The following NLRP3 variants were observed in gnomAD, a reference collection of about 807,000 sequenced individuals.
NLRP3 encodes NLR family pyrin domain containing 3.
Under a neutral mutation model 91.3 loss-of-function variants are expected in NLRP3, and 48 were observed. The observed-to-expected ratio is 0.53, with a 90% CI of 0.42 to 0.67. The LOEUF is 0.67. NLRP3 is among the 30% of genes least tolerant of loss of function. The pLI is 0.00. For missense variants in NLRP3, 982 were observed against 1,276.9 expected (o/e 0.77, Z 3.52); for synonymous variants, 561 against 507.9 (o/e 1.10, Z -1.41).
At chr1:247,439,605 A>G (rs1664062649) in intron 7 of NLRP3, among the ~76,000 whole-genome samples, 1 of 152,226 alleles carries the variant, frequency 6.6e-6, no homozygotes, top group Admixed American at 6.5e-5. Flanking sequence ...CAGTAACCGT[A>G]TCACCAAATA....
chr1:247,444,783 A>C lies in NLRP3; in HGVS notation c.2967A>C (p.Glu989Asp), dbSNP rs376556259. 6.2e-7 allele frequency: 1 copy of C among 1,614,136 alleles called. No individual in the cohort carries two copies. The highest frequency in any genetic ancestry group is 8.5e-7 in the Non-Finnish European group (1 of 1,180,026). The change falls in exon 9 of 10, where the codon GAA becomes GAC. Residue 989 changes from glutamate (E) to aspartate (D), a missense_variant. By Grantham distance (45) the Glu-to-Asp change is conservative. Transcript: ENST00000336119. ...ACCTGGGGGTCATGATGTTCTGTGA[A>C]GTGCTGAAACAGCAGAGCTGCCTCC... ...LGDLGVMMFCEVLKQQSCLLQ... is the reference protein window; with the variant it reads ...LGDLGVMMFCDVLKQQSCLLQ...
chr1:247,418,685 AT>A lies in NLRP3; in HGVS notation c.-113del. 7.9e-7 allele frequency: 1 copy of A among 1,269,886 alleles called. No individual in the cohort carries two copies. The highest frequency in any genetic ancestry group is 1.3e-5 in the South Asian group (1 of 78,718). 78.7% of individuals were successfully genotyped at this position (1,269,886 alleles called of 1,614,324 possible). A position where few individuals can be genotyped will look rare whatever the true frequency, so the allele number is the denominator to read the frequency against. On this transcript the variant is annotated 5_prime_UTR_variant, in exon 2 of 10. Coordinates refer to ENST00000336119, the MANE Select transcript of NLRP3 (RefSeq NM_001243133.2). Reference sequence around the variant, plus strand: ...CTTTCTGTTTGCTGAGTTTTTGATAATTTATATCTCTCAAAGTGGAGACTTT... The same window carrying A: ...CTTTCTGTTTGCTGAGTTTTTGATAATTATATCTCTCAAAGTGGAGACTTT...
At position 247,425,558 on chromosome 1, in the gene NLRP3, G is replaced by C; in HGVS notation, c.2109G>C (p.Gln703His). The stretch of plus-strand genomic sequence containing the variant: ...AAGGCCGACACCTTGATATGGTGCA[G>C]TGTGTCCTCCCAAGCTCCTCTCATG... The part of the protein sequence containing the change: ...EKEGRHLDMV[Q>H]CVLPSSSHAA... Residue 703 changes from glutamine (Q) to histidine (H), a missense_variant, in exon 4 of 10, where the codon CAG becomes CAC. By Grantham distance (24) the Gln-to-His change is conservative (BLOSUM62 0). This residue lies in a region of NLRP3 where 373 missense variants were observed against 431.5 expected (regional missense o/e 0.86). Coordinates refer to ENST00000336119, the MANE Select transcript of NLRP3 (RefSeq NM_001243133.2). The surrounding 1 kb of genome is among the most constrained non-coding windows in gnomAD (Gnocchi z 4.1). 3 of 1,611,278 alleles carry C rather than the reference G, an allele frequency of 1.9e-6. No individual in the cohort carries two copies. Among genetic ancestry groups the C allele is most frequent in the Non-Finnish European group, 2.5e-6 (3 of 1,180,026 alleles).
At chr1:247,437,606 G>A (rs1442398659) in intron 7 of NLRP3, among the ~76,000 whole-genome samples, 1 of 152,312 alleles carries the variant, frequency 6.6e-6, no homozygotes, top group African/African-American at 2.4e-5. Flanking sequence ...ACATGATTTT[G>A]TCCCTTCATT....
Position 247,425,000 on chromosome 1 carries a change from C to G in NLRP3, c.1551C>G (p.Ser517Arg), listed in dbSNP as rs1251162109. 9 of 1,614,096 alleles carry G rather than the reference C, an allele frequency of 5.6e-6. No homozygotes were observed. The highest frequency in any genetic ancestry group is 1.3e-5 in the African/African-American group (1 of 74,928). The change falls in exon 4 of 10, where the codon AGC (serine) becomes AGG (arginine). Residue 517 changes from serine (S) to arginine (R), a missense_variant. This residue lies in a region of NLRP3 where 548 missense variants were observed against 713.7 expected (regional missense o/e 0.77). Transcript: ENST00000336119. This position sits in a 1 kb window ranked among gnomAD's most constrained non-coding sequence, Gnocchi z 8.1. ...QKEVDCEKFY[S>R]FIHMTFQEFF... ...AAGTGGACTGCGAGAAGTTCTACAG[C>G]TTCATCCACATGACTTTCCAGGAGT...
chr1:247,437,610 C>T (rs1663887834), intron 7 of NLRP3, among the ~76,000 whole-genome samples: 2 of 152,210 alleles, frequency 1.3e-5, no homozygotes, highest in Admixed American at 1.3e-4. Flanking sequence ...GATTTTGTCC[C>T]TTCATTTTGC....
At chr1:247,441,129 CTCTTTCTTTCTT>C (rs58587092) in intron 7 of NLRP3, among the ~76,000 whole-genome samples, 118 of 92,850 alleles carry the variant, frequency 1.3e-3, no homozygotes, top group African/African-American at 3.2e-3. Context: ...TTTTCTTTTT[CTCTTTCTTTCTT>C]TCTTTCTCTC....
chr1:247,423,842 C>T lies in NLRP3; in HGVS notation c.398-5C>T, dbSNP rs200459664. Reference sequence around the variant, plus strand: ...TTTCCCCCTAACTTCCTGTCTTTGCCGTAGATTACCGTAAGAAGTACAGAA... The same window carrying T: ...TTTCCCCCTAACTTCCTGTCTTTGCTGTAGATTACCGTAAGAAGTACAGAA... On this transcript the variant is annotated splice_polypyrimidine_tract_variant and splice_region_variant and intron_variant, in intron 3 of 9. Transcript: ENST00000336119. 42 of 1,613,090 alleles carry T rather than the reference C, an allele frequency of 2.6e-5. No homozygotes were observed. The highest frequency in any genetic ancestry group is 1.8e-4 in the Admixed American group (11 of 59,934).
Position 247,424,453 on chromosome 1 carries a change from G to A in NLRP3, c.1004G>A (p.Arg335Lys), listed in dbSNP as rs754941278. ...RGDILLSSLI[R>K]KKLLPEASLL... Reference sequence around the variant, plus strand: ...GACATTCTCCTGAGCAGCCTCATCAGAAAGAAGCTGCTTCCCGAGGCCTCT... The same window carrying A: ...GACATTCTCCTGAGCAGCCTCATCAAAAAGAAGCTGCTTCCCGAGGCCTCT... The change falls in exon 4 of 10, where the codon AGA (arginine) becomes AAA (lysine). Residue 335 changes from arginine to lysine, a missense_variant. By Grantham distance (26) the Arg-to-Lys change is conservative. Around this residue, in one of 5 missense-constraint regions of NLRP3, gnomAD observed 548 missense variants for 713.7 expected, o/e 0.77. Coordinates refer to ENST00000336119, the MANE Select transcript of NLRP3 (RefSeq NM_001243133.2). This position sits in a 1 kb window ranked among gnomAD's most constrained non-coding sequence, Gnocchi z 8.1. The A allele has an allele frequency of 6.2e-7, 1 of 1,614,094 alleles. No homozygotes were observed. Among genetic ancestry groups the A allele is most frequent in the African/African-American group, 1.3e-5 (1 of 74,944 alleles).
intron 6 of NLRP3, among the ~76,000 whole-genome samples, chr1:247,435,274 G>GT (rs1427750627): frequency 4.6e-5 from 7 of 152,064 alleles, no homozygotes; most frequent in Non-Finnish European, 8.8e-5. Flanking sequence ...ACTCAAACAT[G>GT]TTATTTGTAC....
intron 5 of NLRP3, among the ~76,000 whole-genome samples, chr1:247,431,886 G>C (rs1025315190): frequency 6.6e-6 from 1 of 152,160 alleles, no homozygotes; most frequent in African/African-American, 2.4e-5. Context: ...GGTAGTGTCT[G>C]GGCTTTTACT....
intron 4 of NLRP3, among the ~76,000 whole-genome samples, chr1:247,427,058 C>A (rs373193041): frequency 6.6e-6 from 1 of 152,168 alleles, no homozygotes; most frequent in Non-Finnish European, 1.5e-5. Flanking sequence ...GTTCACCTTA[C>A]GGTTCTGGAG....
Position 247,429,652 on chromosome 1 carries a change from A to G in NLRP3, c.2218A>G (p.Ser740Gly). The change falls in exon 5 of 10, where the codon AGT (serine) becomes GGT (glycine). Residue 740 changes from serine (S) to glycine (G), a missense_variant. Physicochemically the swap from Ser to Gly is moderately conservative, Grantham distance 56. Transcript: ENST00000336119. ...CTTTTCAGTTCTGAGCACCAGCCAG[A>G]GTCTAACTGAATTGGACCTCAGTGA... ...GLFSVLSTSQ[S>G]LTELDLSDNS... 2 of 1,614,202 alleles carry G rather than the reference A, an allele frequency of 1.2e-6. No homozygotes were observed. Among genetic ancestry groups the G allele is most frequent in the Non-Finnish European group, 1.7e-6 (2 of 1,180,030 alleles).
intron 2 of NLRP3, among the ~76,000 whole-genome samples, chr1:247,422,990 C>G (rs762259937): frequency 6.6e-6 from 1 of 152,196 alleles, no homozygotes; most frequent in African/African-American, 2.4e-5. Flanking sequence ...GATTCTGAGA[C>G]TGGGGACAGT....
At chr1:247,429,402 G>A (rs777788355) in intron 4 of NLRP3, among the ~76,000 whole-genome samples, 183 bp from the exon 5 acceptor site, 1 of 152,188 alleles carries the variant, frequency 6.6e-6, no homozygotes, top group Non-Finnish European at 1.5e-5. Context: ...AGGCAGAACT[G>A]CTTTTACCAA....
intron 2 of NLRP3, among the ~76,000 whole-genome samples, chr1:247,419,865 G>A (rs963053660): frequency 1.3e-5 from 2 of 152,132 alleles, no homozygotes; most frequent in African/African-American, 4.8e-5. Flanking sequence ...TATTGTTAAT[G>A]CTGTTATGAG....
intron 2 of NLRP3, among the ~76,000 whole-genome samples, chr1:247,420,142 TG>T (rs1662352471): frequency 6.6e-6 from 1 of 152,320 alleles, no homozygotes; most frequent in South Asian, 2.1e-4. Flanking sequence ...ACTGTAGTTT[TG>T]ATTTCCGTTT....
In NLRP3 at chr1:247,444,789, G is replaced by C. The variant is rs1664483922; in HGVS notation, c.2973G>C (p.Leu991=). The C allele has an allele frequency of 6.2e-7, 1 of 1,614,086 alleles. No individual in the cohort carries two copies. The highest frequency in any genetic ancestry group is 8.5e-7 in the Non-Finnish European group (1 of 1,180,034). The change falls in exon 9 of 10, where the codon CTG becomes CTC. Residue 991 remains leucine (L), a synonymous_variant. Transcript: ENST00000336119. ...GGGTCATGATGTTCTGTGAAGTGCT[G>C]AAACAGCAGAGCTGCCTCCTGCAGA... ...DLGVMMFCEV[L]KQQSCLLQNL...
intron 7 of NLRP3, among the ~76,000 whole-genome samples, chr1:247,443,113 T>C (rs1558208623): frequency 6.6e-6 from 1 of 152,124 alleles, no homozygotes; most frequent in Non-Finnish European, 1.5e-5. Flanking sequence ...TTAGTAGAGA[T>C]GGGCTTTCAC....
Sources: allele counts gnomAD v4.1 joint callset (sites outside exome capture counted in the v4.1 genomes callset), GRCh38; gene constraint gnomAD v4.1.1; regional missense constraint gnomAD v4.1.1; non-coding constraint Gnocchi (gnomAD v3.1); transcripts MANE v1.5; gene names NCBI Gene and HGNC (gene_info 2026-07-23, HGNC 2026-07-21).